The following ULK2 variants were observed in gnomAD, a reference collection of about 807,000 sequenced individuals.
ULK2 encodes unc-51 like autophagy activating kinase 2.
A neutral mutation model predicts 127.5 loss-of-function variants in ULK2; 76 were observed. That is an observed-to-expected ratio of 0.60 (90% CI 0.50 to 0.72). The LOEUF is 0.72. Among genes scored for constraint, ULK2 ranks in the 30% least tolerant of loss-of-function variants. The pLI, the probability that ULK2 is intolerant of heterozygous loss-of-function variation, is 0.00. For missense variants in ULK2, 1,144 were observed against 1,295.9 expected, an observed-to-expected ratio of 0.88 and a Z score of 1.80; for synonymous variants, 452 against 461.9, an observed-to-expected ratio of 0.98 and a Z score of 0.28.
intron 22 of ULK2, among the ~76,000 whole-genome samples, chr17:19,783,006 C>T (rs2086952374): frequency 1.3e-5 from 2 of 152,134 alleles, no homozygotes; most frequent in South Asian, 2.1e-4. Flanking sequence ...GTTATAAATG[C>T]ATTCTGAAAT....
intron 10 of ULK2, among the ~76,000 whole-genome samples, chr17:19,837,162 A>T (rs1411074593): frequency 1.3e-5 from 2 of 152,094 alleles, no homozygotes; most frequent in East Asian, 3.8e-4. Flanking sequence ...TCACATCTGT[A>T]ATCTCAGCAT....
At chr17:19,825,644 A>G (rs988273432) in intron 11 of ULK2, among the ~76,000 whole-genome samples, 4 of 151,832 alleles carry the variant, frequency 2.6e-5, no homozygotes, top group Non-Finnish European at 4.4e-5. Context: ...CAGGAAGCAG[A>G]GGTTGTACCA....
At chr17:19,824,405 C>T (rs554399049) in intron 12 of ULK2, among the ~76,000 whole-genome samples, 3 of 141,676 alleles carry the variant, frequency 2.1e-5, no homozygotes, top group Non-Finnish European at 4.5e-5. Flanking sequence ...CAAGATGGAG[C>T]CACTAAACTC....
At chr17:19,807,737 G>C (rs1365327973) in intron 14 of ULK2, among the ~76,000 whole-genome samples, 5 of 152,110 alleles carry the variant, frequency 3.3e-5, no homozygotes, top group Admixed American at 3.3e-4. Flanking sequence ...TATCCTCAAA[G>C]AGAGGAAAGA....
chr17:19,845,156 T>C (rs778585483), intron 7 of ULK2, 148 bp downstream of exon 7: 21 of 655,062 alleles, frequency 3.2e-5, no homozygotes, highest in Middle Eastern at 2.6e-4. Flanking sequence ...GTCTGTATTA[T>C]AGCATTATCA....
Position 19,777,635 on chromosome 17 carries a change from C to T in ULK2, c.2998G>A (p.Glu1000Lys). 1 of 1,614,056 alleles carries T rather than the reference C, an allele frequency of 6.2e-7. No individual in the cohort carries two copies. Among genetic ancestry groups the T allele is most frequent in the Non-Finnish European group, 8.5e-7 (1 of 1,180,006 alleles). ...TCCTGTAGAATCCTACTTAGGCCTT[C>T]CAAAAGAAGGGCTGCCTTATGATAG... ...YRYHKAALLL[E>K]GLSRILQDPA... Residue 1000 changes from glutamate to lysine, a missense_variant, in exon 26 of 27, where the codon GAA becomes AAA. Around this residue, in one of 2 missense-constraint regions of ULK2, gnomAD observed 913 missense variants for 970.5 expected, o/e 0.94. Transcript: ENST00000395544.
At chr17:19,862,218 T>C (rs563788387) in intron 3 of ULK2, among the ~76,000 whole-genome samples, 2 of 151,712 alleles carry the variant, frequency 1.3e-5, no homozygotes, top group African/African-American at 4.8e-5. Flanking sequence ...TGCCTCAGCC[T>C]CCTGAGTAAC....
rs1312570399 is a variant in ULK2, at chr17:19,786,184, T to C, written c.2102-98A>G. On this transcript the variant is annotated intron_variant, in intron 20 of 26. Coordinates refer to ENST00000395544, the MANE Select transcript of ULK2 (RefSeq NM_014683.4). ...GATACTGACTTTTATATCAGGAGTC[T>C]AGTGGTTTTTTTTTTTTCCCTCTTC... 9 of 1,211,338 alleles carry C rather than the reference T, an allele frequency of 7.4e-6. No individual in the cohort carries two copies. The East Asian group carries it at 1.8e-4, about 24-fold the overall frequency. 75.0% of individuals were successfully genotyped at this position (1,211,338 alleles called of 1,614,324 possible).
intron 11 of ULK2, 27 bp downstream of exon 11, chr17:19,826,112 G>C (rs562827263): frequency 1.5e-6 from 2 of 1,377,698 alleles, no homozygotes; most frequent in South Asian, 1.9e-5. Flanking sequence ...CATTCTTTAA[G>C]TGAAAATACA....
intron 10 of ULK2, among the ~76,000 whole-genome samples, chr17:19,834,119 TCTC>T (rs756045152): frequency 3.3e-5 from 5 of 151,998 alleles, no homozygotes; most frequent in Admixed American, 6.6e-5. Context: ...ACAGGTGACT[TCTC>T]ATCAGAAACA....
chr17:19,864,857 T>C lies in ULK2; in HGVS notation c.184-13A>G, dbSNP rs995974970. 5.5e-6 allele frequency: 7 copies of C among 1,269,604 alleles called. No individual in the cohort carries two copies. The highest frequency in any genetic ancestry group is 2.6e-5 in the Admixed American group (1 of 38,416). The allele number at this position is 1,269,604 out of a possible 1,614,324, so 78.6% of individuals were successfully genotyped here. ...CATGCTGAAGTTCCTATTAAGAAAATTGAGAATGAAAAATATGTAAGTATT... is the reference window on the plus strand; with the variant it reads ...CATGCTGAAGTTCCTATTAAGAAAACTGAGAATGAAAAATATGTAAGTATT... On this transcript the variant is annotated splice_polypyrimidine_tract_variant and intron_variant, in intron 2 of 26. Transcript: ENST00000395544.
intron 2 of ULK2, 132 bp downstream of exon 2, chr17:19,865,604 T>G: frequency 1.9e-6 from 1 of 515,444 alleles, no homozygotes; most frequent in Non-Finnish European, 3.4e-6. Flanking sequence ...AAAGTGAGCA[T>G]GCAAAAAGGA....
chr17:19,845,250 C>T, intron 7 of ULK2, 54 bp downstream of exon 7: 2 of 1,475,118 alleles, frequency 1.4e-6, no homozygotes, highest in Middle Eastern at 3.5e-4. Flanking sequence ...TATTTAAATT[C>T]CAATGATTAT....
At chr17:19,786,211 T>C in intron 20 of ULK2, 125 bp from the exon 21 acceptor site, 3 of 759,562 alleles carry the variant, frequency 3.9e-6, no homozygotes, top group African/African-American at 3.7e-5. Flanking sequence ...TCCCTCTTCT[T>C]ACAAAAAGTA....
intron 25 of ULK2, among the ~76,000 whole-genome samples, chr17:19,778,234 A>G (rs1456571946): frequency 1.3e-5 from 2 of 152,264 alleles, no homozygotes; most frequent in African/African-American, 4.8e-5. Context: ...GAGAGCTTGC[A>G]GTCTGGAGGG....
chr17:19,804,017 G>GT (rs1237715410), intron 15 of ULK2, among the ~76,000 whole-genome samples: 1 of 152,114 alleles, frequency 6.6e-6, no homozygotes, highest in Non-Finnish European at 1.5e-5. Context: ...GCTAAATCAA[G>GT]TACCATTCTT....
At chr17:19,790,995 C>T (rs2087139694) in intron 20 of ULK2, among the ~76,000 whole-genome samples, 1 of 152,116 alleles carries the variant, frequency 6.6e-6, no homozygotes, top group South Asian at 2.1e-4. Flanking sequence ...CACGAGCATA[C>T]AGATATATAA....
intron 12 of ULK2, among the ~76,000 whole-genome samples, chr17:19,821,047 C>T (rs576561088): frequency 1.4e-4 from 22 of 152,300 alleles, no homozygotes; most frequent in African/African-American, 5.1e-4. Flanking sequence ...AGGCTCACAC[C>T]TATAATCCTA....
intron 20 of ULK2, among the ~76,000 whole-genome samples, chr17:19,789,473 C>T (rs2087106557): frequency 6.6e-6 from 1 of 152,154 alleles, no homozygotes; most frequent in Admixed American, 6.5e-5. Flanking sequence ...CAATAAATAC[C>T]TAACATGTCA....
Sources: gnomAD v4.1 joint callset for allele counts (sites outside exome capture counted in the v4.1 genomes callset) on GRCh38, gnomAD v4.1.1 for gene constraint, gnomAD v4.1.1 regional missense constraint, MANE v1.5 for transcripts, NCBI Gene and HGNC (gene_info 2026-07-23, HGNC 2026-07-21) for gene names.